FAAH2: variants seen among roughly 807,000 people sequenced by gnomAD.
FAAH2 encodes the protein fatty acid amide hydrolase 2, also known as fatty-acid amide hydrolase 2.
Under a neutral mutation model 36.9 loss-of-function variants are expected in FAAH2, and 60 were observed. The observed-to-expected ratio is 1.63, with a 90% CI of 1.32 to 2.02. The LOEUF (loss-of-function observed/expected upper bound fraction) is 2.02, where lower values mean the gene tolerates loss of function less well. Among genes scored for constraint, FAAH2 ranks in the 30% most tolerant of loss-of-function variants. The probability of loss-of-function intolerance (pLI) is 0.00; values close to 1 mark genes in which losing one functional copy is unlikely to be tolerated. For synonymous variants in FAAH2, 214 were observed against 143.8 expected, an observed-to-expected ratio of 1.49 and a Z score of -3.49; for missense variants, 689 against 397.5, an observed-to-expected ratio of 1.73 and a Z score of -6.23.
chrX:57,283,750 G>T (rs766658128), upstream of FAAH2, among the ~76,000 whole-genome samples: 3 of 111,377 alleles, frequency 2.7e-5, no homozygotes, highest in Non-Finnish European at 5.7e-5. Context: ...GTAGCAACTC[G>T]ACCTTTTGTT....
chrX:57,395,638 G>GT (rs763834888), intron 7 of FAAH2, among the ~76,000 whole-genome samples: 34 of 110,781 alleles, frequency 3.1e-4, no homozygotes, highest in Non-Finnish European at 5.9e-4. Flanking sequence ...TGTAGTGTTT[G>GT]TTTTTTATTC....
At chrX:57,369,606 C>A (rs1187023459) in intron 5 of FAAH2, among the ~76,000 whole-genome samples, 1 of 111,252 alleles carries the variant, frequency 9.0e-6, no homozygotes, top group Non-Finnish European at 1.9e-5. Flanking sequence ...AATGCCATAC[C>A]CAACAAAACT....
intron 5 of FAAH2, among the ~76,000 whole-genome samples, chrX:57,356,514 T>C (rs1216307881): frequency 9.0e-6 from 1 of 110,935 alleles, no homozygotes; most frequent in Non-Finnish European, 1.9e-5. Context: ...TTATAGATTT[T>C]CTCTAGGTTA....
At chrX:57,287,976 C>G (rs1412671302) in intron 1 of FAAH2, among the ~76,000 whole-genome samples, 1 of 111,309 alleles carries the variant, frequency 9.0e-6, no homozygotes, top group Non-Finnish European at 1.9e-5. Context: ...TACCCCCTCC[C>G]CAGCCTCTAC....
chrX:57,139,474 G>T, the FAAH2 span, among the ~76,000 whole-genome samples: 11 of 111,433 alleles, frequency 9.9e-5, no homozygotes, highest in Non-Finnish European at 1.5e-4. Flanking sequence ...TTGTTTGTTT[G>T]TTTTTTGAGA....
At chrX:57,397,443 G>A (rs1277874083) in intron 7 of FAAH2, among the ~76,000 whole-genome samples, 2 of 111,820 alleles carry the variant, frequency 1.8e-5, no homozygotes, top group Admixed American at 9.5e-5. Flanking sequence ...ACTTCTATGA[G>A]CATTTCTTGT....
chrX:57,431,939 A>C lies in FAAH2; in HGVS notation c.1018A>C (p.Ile340Leu). 7 of 1,201,822 alleles carry C rather than the reference A, an allele frequency of 5.8e-6. No homozygotes were observed. Among genetic ancestry groups the C allele is most frequent in the Non-Finnish European group, 7.9e-6 (7 of 889,015 alleles). ...QKKVVVHLET[I>L]LGASVQHVKL... Reference sequence around the variant, plus strand: ...TAAGGTTGTGGTTCACCTTGAAACTATTCTAGGAGCCTCAGTTCAACATGT... The same window carrying C: ...TAAGGTTGTGGTTCACCTTGAAACTCTTCTAGGAGCCTCAGTTCAACATGT... The change falls in exon 8 of 11, where the codon ATT (isoleucine) becomes CTT (leucine). Residue 340 changes from isoleucine to leucine, a missense_variant. Transcript: ENST00000374900.
intron 3 of FAAH2, among the ~76,000 whole-genome samples, chrX:57,320,973 A>G (rs897731110): frequency 9.1e-6 from 1 of 110,369 alleles, no homozygotes; most frequent in Admixed American, 9.7e-5. Context: ...CCCCGTCTCT[A>G]CTAAAAAATA....
rs142359797 is a variant in FAAH2, at chrX:57,418,632, C to T, written c.997-13286C>T. On this transcript the variant is annotated intron_variant, in intron 7 of 10. Coordinates refer to ENST00000374900, the MANE Select transcript of FAAH2 (RefSeq NM_174912.4). ...AAATGCAGAAATCACCCACCTTCTGCGTTGATCTGGCTGGGAGCTGCAGAC... is the reference window on the plus strand; with the variant it reads ...AAATGCAGAAATCACCCACCTTCTGTGTTGATCTGGCTGGGAGCTGCAGAC... Among the ~76,000 whole-genome samples, 29 of 110,709 alleles carry T rather than the reference C, an allele frequency of 2.6e-4. No homozygotes were observed. In the East Asian group the frequency reaches 6.2e-3, roughly 24 times the overall value.
At chrX:57,280,968 C>A in the FAAH2 span, among the ~76,000 whole-genome samples, 1 of 111,820 alleles carries the variant, frequency 8.9e-6, no homozygotes, top group African/African-American at 3.2e-5. Flanking sequence ...GAAACAAACC[C>A]CAATTGGTTA....
chrX:57,438,243 A>G (rs1212573522), intron 8 of FAAH2, among the ~76,000 whole-genome samples: 2 of 41,125 alleles, frequency 4.9e-5, no homozygotes, highest in African/African-American at 1.9e-4. Context: ...ATCAGTATAT[A>G]TAGATATAAG....
chrX:57,449,542 G>C (rs747502335), intron 10 of FAAH2, among the ~76,000 whole-genome samples: 3 of 111,354 alleles, frequency 2.7e-5, no homozygotes, highest in South Asian at 3.8e-4. Flanking sequence ...TTAACATAAG[G>C]GTTGTGGAGG....
chrX:57,293,622 T>A (rs2146797950), intron 2 of FAAH2, among the ~76,000 whole-genome samples: 1 of 112,048 alleles, frequency 8.9e-6, no homozygotes, highest in South Asian at 3.7e-4. Context: ...TTGGGGGTAC[T>A]TTTGGGGCAG....
At chrX:57,303,969 G>A (rs1412637459) in intron 2 of FAAH2, among the ~76,000 whole-genome samples, 1 of 111,651 alleles carries the variant, frequency 9.0e-6, no homozygotes, top group East Asian at 2.8e-4. Flanking sequence ...CACTTTGAGA[G>A]GCTGAGGCGG....
Position 57,336,499 on chromosome X carries a change from C to T in FAAH2, c.622+4692C>T, listed in dbSNP as rs191213232. 5.2e-3 allele frequency among the ~76,000 whole-genome samples: 578 copies of T among 111,383 alleles called. 3 individuals are homozygous for T. The highest frequency in any genetic ancestry group is 0.018 in the Middle Eastern group (4 of 217). On this transcript the variant is annotated intron_variant, in intron 4 of 10. Transcript: ENST00000374900. ...AGTCTCTTATGTCTACTTCTTTCTA[C>T]GCAGACACAGTAACAATCTGATCTC... is the stretch of plus-strand genomic sequence containing the variant.
At chrX:57,162,551 T>A in the FAAH2 span, among the ~76,000 whole-genome samples, 1 of 111,634 alleles carries the variant, frequency 9.0e-6, no homozygotes, top group Admixed American at 9.5e-5. Context: ...TTGGAGGCTT[T>A]GCTCATTTCT....
At chrX:57,310,093 T>G (rs764132060) in intron 2 of FAAH2, among the ~76,000 whole-genome samples, 2 of 112,029 alleles carry the variant, frequency 1.8e-5, no homozygotes, top group East Asian at 5.6e-4. Context: ...CAGCATCTGT[T>G]GTTTCTTGAT....
intron 3 of FAAH2, among the ~76,000 whole-genome samples, chrX:57,316,887 T>C (rs1453088198): frequency 9.0e-6 from 1 of 111,433 alleles, no homozygotes; most frequent in Non-Finnish European, 1.9e-5. Flanking sequence ...AATTTACAAG[T>C]GGGACTTAAT....
At chrX:57,349,729 T>TA (rs1027016631) in intron 5 of FAAH2, among the ~76,000 whole-genome samples, 1 of 108,175 alleles carries the variant, frequency 9.2e-6, no homozygotes. Flanking sequence ...AACAAAGAAT[T>TA]AAAAAAAACC....
Sources: gnomAD v4.1 joint callset for allele counts (sites outside exome capture counted in the v4.1 genomes callset) on GRCh38, gnomAD v4.1.1 for gene constraint, MANE v1.5 for transcripts, NCBI Gene and HGNC (gene_info 2026-07-23, HGNC 2026-07-21) for gene names.